The following BLTP3A variants were observed in gnomAD, a reference collection of about 807,000 sequenced individuals.
BLTP3A encodes the protein ICBP90 binding protein 1.
At chr6:34,864,027 G>C in the BLTP3A span, 1 of 1,612,286 alleles carries the variant, frequency 6.2e-7, no homozygotes, top group Admixed American at 1.7e-5. Context: ...GACAGATGAG[G>C]GGGTGGCAGC....
the BLTP3A span, among the ~76,000 whole-genome samples, chr6:34,805,642 A>G: frequency 7.0e-6 from 1 of 142,338 alleles, no homozygotes; most frequent in Non-Finnish European, 1.5e-5. Context: ...GCATGCCTGT[A>G]TTCTCAGCTT....
At chr6:34,835,566 G>T in the BLTP3A span, 1 of 1,332,482 alleles carries the variant, frequency 7.5e-7, no homozygotes, top group South Asian at 1.5e-5. Flanking sequence ...TGGGAAATTT[G>T]TCATTTACTT....
At chr6:34,815,448 C>T in the BLTP3A span, among the ~76,000 whole-genome samples, 1,716 of 151,954 alleles carry the variant, frequency 0.011, 12 homozygotes, top group Non-Finnish European at 0.016. Flanking sequence ...TGGAGGTTCT[C>T]CATGTTGGCC....
the BLTP3A span, among the ~76,000 whole-genome samples, chr6:34,823,506 C>A: frequency 1.3e-5 from 2 of 151,038 alleles, no homozygotes; most frequent in African/African-American, 4.9e-5. Flanking sequence ...CTAATTTCAA[C>A]AATTATCAAC....
chr6:34,847,281 T>G, the BLTP3A span, among the ~76,000 whole-genome samples: 1 of 152,046 alleles, frequency 6.6e-6, no homozygotes, highest in Middle Eastern at 3.2e-3. Context: ...TTCTTTTTGA[T>G]GTGTCTTTGT....
At chr6:34,842,097 C>T in the BLTP3A span, among the ~76,000 whole-genome samples, 1 of 152,122 alleles carries the variant, frequency 6.6e-6, no homozygotes, top group African/African-American at 2.4e-5. Context: ...CAATTCTACA[C>T]CCTACTATAA....
the BLTP3A span, among the ~76,000 whole-genome samples, chr6:34,821,215 C>T: frequency 6.6e-6 from 1 of 152,192 alleles, no homozygotes; most frequent in Admixed American, 6.5e-5. Flanking sequence ...CTTGGCCTCC[C>T]GAAGTGCTGG....
the BLTP3A span, among the ~76,000 whole-genome samples, chr6:34,845,848 C>T: frequency 2.0e-5 from 3 of 151,992 alleles, no homozygotes; most frequent in East Asian, 1.9e-4. Flanking sequence ...CCACCAGCCT[C>T]GGCCTCCCAA....
the BLTP3A span, among the ~76,000 whole-genome samples, chr6:34,863,510 C>T: frequency 6.6e-6 from 1 of 152,138 alleles, no homozygotes; most frequent in African/African-American, 2.4e-5. Context: ...TACCACAAAG[C>T]CACTCTTGAT....
At chr6:34,793,228 C>CA in the BLTP3A span, among the ~76,000 whole-genome samples, 1 of 152,196 alleles carries the variant, frequency 6.6e-6, no homozygotes, top group Non-Finnish European at 1.5e-5. Flanking sequence ...TGCAGGTTGT[C>CA]ACAACCAGTG....
chr6:34,834,754 C>G, the BLTP3A span: 1 of 1,614,184 alleles, frequency 6.2e-7, no homozygotes, highest in Non-Finnish European at 8.5e-7. Flanking sequence ...TTGGCAAACA[C>G]TCCGAATTGA....
the BLTP3A span, chr6:34,870,759 C>A: frequency 6.9e-7 from 1 of 1,445,630 alleles, no homozygotes; most frequent in Non-Finnish European, 9.3e-7. Context: ...GATGATATTC[C>A]TTTGACATAG....
At chr6:34,828,323 C>T in the BLTP3A span, among the ~76,000 whole-genome samples, 4 of 151,742 alleles carry the variant, frequency 2.6e-5, no homozygotes, top group South Asian at 2.1e-4. Context: ...TGGTGGCACG[C>T]GCCTGTAATC....
the BLTP3A span, chr6:34,834,739 A>G: frequency 6.2e-7 from 1 of 1,614,062 alleles, no homozygotes; most frequent in African/African-American, 1.3e-5. Flanking sequence ...ATTTAAGGAA[A>G]TAACTTGGCA....
chr6:34,834,366 AC>A, the BLTP3A span: 3 of 1,613,710 alleles, frequency 1.9e-6, no homozygotes, highest in Non-Finnish European at 2.5e-6. Context: ...CAGCAGAGTG[AC>A]CTTCGCCTTA....
the BLTP3A span, chr6:34,858,923 C>T: frequency 1.2e-6 from 2 of 1,614,036 alleles, no homozygotes; most frequent in South Asian, 1.1e-5. Context: ...ACTAAGGATA[C>T]AGAGTCAATG....
At chr6:34,870,943 G>A in the BLTP3A span, 1 of 1,614,166 alleles carries the variant, frequency 6.2e-7, no homozygotes, top group Non-Finnish European at 8.5e-7. Flanking sequence ...TGGAGCAGCT[G>A]TTCATTCCCC....
the BLTP3A span, among the ~76,000 whole-genome samples, chr6:34,816,327 G>T: frequency 0.44 from 66,522 of 151,952 alleles, 16,366 homozygotes; most frequent in African/African-American, 0.67. Flanking sequence ...AAAAGTGGCT[G>T]GGCACAGTGG....
At chr6:34,809,485 AG>A in the BLTP3A span, among the ~76,000 whole-genome samples, 1 of 152,198 alleles carries the variant, frequency 6.6e-6, no homozygotes, top group Non-Finnish European at 1.5e-5. Context: ...AGTGGAATTT[AG>A]GGGTACCAGT....
Sources: gnomAD v4.1 joint callset for allele counts (sites outside exome capture counted in the v4.1 genomes callset) on GRCh38, gnomAD v4.1.1 for gene constraint, MANE v1.5 for transcripts, NCBI Gene and HGNC (gene_info 2026-07-23, HGNC 2026-07-21) for gene names.